Variants in NCK2 observed in about 807,000 individuals in gnomAD.
NCK2 encodes the protein cytoplasmic protein NCK2.
In NCK2, 16 loss-of-function variants were observed where a neutral mutation model predicts 33.9. That is an observed-to-expected ratio of 0.47 (90% CI 0.32 to 0.72). The LOEUF is 0.72. Among genes scored for constraint, NCK2 ranks in the 30% least tolerant of loss-of-function variants. The pLI, the probability that NCK2 is intolerant of heterozygous loss-of-function variation, is 0.03. For synonymous variants in NCK2, 273 were observed against 239.9 expected (o/e 1.14, Z -1.27); for missense variants, 418 against 537.3 (o/e 0.78, Z 2.19).
At chr2:105,807,747 T>TCCCTCCCTCCCCTCTC (rs1295109810) in intron 1 of NCK2, among the ~76,000 whole-genome samples, 1 of 24,398 alleles carries the variant, frequency 4.1e-5, no homozygotes. Context: ...CCTTCCTTCC[T>TCCCTCCCTCCCCTCTC]TCCCTCCCTC....
At chr2:105,766,417 G>C (rs1689950723) in intron 1 of NCK2, among the ~76,000 whole-genome samples, 1 of 152,178 alleles carries the variant, frequency 6.6e-6, no homozygotes, top group African/African-American at 2.4e-5. Flanking sequence ...TCGACCTCCT[G>C]AGCTCAAGCA....
chr2:105,787,031 T>C (rs1690703983), intron 1 of NCK2, among the ~76,000 whole-genome samples: 1 of 152,236 alleles, frequency 6.6e-6, no homozygotes, highest in Non-Finnish European at 1.5e-5. Context: ...GTGCCCTGCT[T>C]TCCTCTCTTC....
intron 3 of NCK2, among the ~76,000 whole-genome samples, chr2:105,867,145 C>G (rs1258930308): frequency 6.6e-6 from 1 of 152,176 alleles, no homozygotes; most frequent in Non-Finnish European, 1.5e-5. Flanking sequence ...GAAAATTCAG[C>G]TATCTTAATT....
At position 105,881,474 on chromosome 2, in the gene NCK2, G is replaced by A. The variant is rs147879012; in HGVS notation, c.373G>A (p.Glu125Lys). 28 of 1,613,804 alleles carry A rather than the reference G, an allele frequency of 1.7e-5. No individual in the cohort carries two copies. Among genetic ancestry groups the A allele is most frequent in the African/African-American group, 1.1e-4 (8 of 74,944 alleles). Residue 125 changes from glutamate to lysine, a missense_variant, in exon 4 of 5, where the codon GAG becomes AAG. Coordinates refer to ENST00000233154, the MANE Select transcript of NCK2 (RefSeq NM_003581.5). ...PAFVKFAYVA[E>K]REDELSLVKG... ...CTTCGTCAAGTTCGCCTATGTGGCC[G>A]AGCGGGAGGATGAGTTGTCCCTGGT... is the stretch of plus-strand genomic sequence containing the variant.
At chr2:105,843,358 G>T (rs1470436960) in intron 2 of NCK2, among the ~76,000 whole-genome samples, 6 of 149,678 alleles carry the variant, frequency 4.0e-5, no homozygotes, top group African/African-American at 1.5e-4. Flanking sequence ...TTGAATTAGG[G>T]ATTCTTAGCC....
intron 3 of NCK2, among the ~76,000 whole-genome samples, chr2:105,869,321 C>T (rs1311474677): frequency 6.6e-6 from 1 of 152,164 alleles, no homozygotes; most frequent in Non-Finnish European, 1.5e-5. Flanking sequence ...TGGCAGCCAT[C>T]ACCTGGGCTC....
intron 2 of NCK2, among the ~76,000 whole-genome samples, chr2:105,830,196 CA>C (rs1482093410): frequency 6.6e-6 from 1 of 152,020 alleles, no homozygotes; most frequent in Non-Finnish European, 1.5e-5. Context: ...ATTTTGAATC[CA>C]GTTAACCAAC....
Position 105,881,894 on chromosome 2 carries a change from C to T in NCK2, c.793C>T (p.His265Tyr). 1 of 1,570,814 alleles carries T rather than the reference C, an allele frequency of 6.4e-7. No homozygotes were observed. The highest frequency in any genetic ancestry group is 1.2e-5 in the South Asian group (1 of 83,610). ...TGACGGGCCTGCCCTGCACCCTGCG[C>T]ACGCCCCACAGATAAGCTACACCGG... is the stretch of plus-strand genomic sequence containing the variant. Reference protein sequence around the residue: ...LSDGPALHPAHAPQISYTGPS... With the variant: ...LSDGPALHPAYAPQISYTGPS... Residue 265 changes from histidine (H) to tyrosine (Y), a missense_variant, in exon 4 of 5, where the codon CAC becomes TAC. By Grantham distance (83) the His-to-Tyr change is moderately conservative. Transcript: ENST00000233154.
At chr2:105,797,407 A>G (rs1377686650) in intron 1 of NCK2, among the ~76,000 whole-genome samples, 3 of 152,328 alleles carry the variant, frequency 2.0e-5, no homozygotes, top group South Asian at 4.1e-4. Context: ...ATATTGTGCA[A>G]TGCAAGGGCA....
intron 2 of NCK2, among the ~76,000 whole-genome samples, chr2:105,830,358 T>A (rs555502154): frequency 6.6e-6 from 1 of 152,230 alleles, no homozygotes. Flanking sequence ...TGTAATATAA[T>A]AACATTATCC....
chr2:105,860,126 A>T (rs1055002047), intron 3 of NCK2, among the ~76,000 whole-genome samples: 1 of 152,100 alleles, frequency 6.6e-6, no homozygotes, highest in East Asian at 1.9e-4. Context: ...CTCTACAAAA[A>T]AATTTTTTAA....
In NCK2 at chr2:105,875,131, T is replaced by C. The variant is rs142985558; in HGVS notation, c.227-6197T>C. Among the ~76,000 whole-genome samples, 359 of 152,078 alleles carry C rather than the reference T, an allele frequency of 2.4e-3. 1 individual carries two copies. The highest frequency in any genetic ancestry group is 7.6e-3 in the African/African-American group (317 of 41,472). ...CTGTGGTGGTAGCTTGGTTAAGGAG[T>C]TTGTTCACACTCCTTGCTGTCCATC... On this transcript the variant is annotated intron_variant, in intron 3 of 4. Transcript: ENST00000233154.
At chr2:105,754,418 G>T (rs1245874955) in intron 1 of NCK2, among the ~76,000 whole-genome samples, 1 of 152,142 alleles carries the variant, frequency 6.6e-6, no homozygotes, top group Non-Finnish European at 1.5e-5. Flanking sequence ...TTCCTTAACG[G>T]TTATGTCTCC....
intron 1 of NCK2, among the ~76,000 whole-genome samples, chr2:105,753,506 T>C (rs1221299051): frequency 6.6e-6 from 1 of 152,194 alleles, no homozygotes; most frequent in African/African-American, 2.4e-5. Context: ...GTAGTCACAG[T>C]GTATTAGCTC....
chr2:105,890,652 A>G (rs1362680117), intron 4 of NCK2, among the ~76,000 whole-genome samples: 1 of 152,194 alleles, frequency 6.6e-6, no homozygotes, highest in Non-Finnish European at 1.5e-5. Context: ...GCATAAATAC[A>G]AACTATACTT....
intron 3 of NCK2, among the ~76,000 whole-genome samples, chr2:105,855,975 C>T (rs1677250683): frequency 6.6e-6 from 1 of 152,148 alleles, no homozygotes; most frequent in East Asian, 1.9e-4. Context: ...GCTGGGACTA[C>T]AGGCACCCAC....
At chr2:105,827,486 C>G (rs942919301) in intron 2 of NCK2, among the ~76,000 whole-genome samples, 1 of 152,218 alleles carries the variant, frequency 6.6e-6, no homozygotes, top group African/African-American at 2.4e-5. Context: ...TATAGGAACA[C>G]TCACCACCAT....
At chr2:105,808,189 T>C (rs1466377667) in intron 1 of NCK2, among the ~76,000 whole-genome samples, 1 of 152,216 alleles carries the variant, frequency 6.6e-6, no homozygotes, top group East Asian at 1.9e-4. Flanking sequence ...TGAGCCACTG[T>C]GCCTGGCCTC....
chr2:105,789,122 C>T (rs1690783698), intron 1 of NCK2, among the ~76,000 whole-genome samples: 1 of 152,168 alleles, frequency 6.6e-6, no homozygotes, highest in Non-Finnish European at 1.5e-5. Context: ...GGCCTGGGAC[C>T]CTCGGCTCCC....
Sources: allele counts gnomAD v4.1 joint callset (sites outside exome capture counted in the v4.1 genomes callset), GRCh38; gene constraint gnomAD v4.1.1; transcripts MANE v1.5; gene names NCBI Gene and HGNC (gene_info 2026-07-23, HGNC 2026-07-21).